The following SAMD5 variants were observed in gnomAD, a reference collection of about 807,000 sequenced individuals.
SAMD5 encodes the protein sterile alpha motif domain-containing protein 5.
A neutral mutation model predicts 11.3 loss-of-function variants in SAMD5; 13 were observed. The observed-to-expected ratio is 1.15, with a 90% confidence interval of 0.75 to 1.83. The LOEUF (loss-of-function observed/expected upper bound fraction) is 1.83. Among genes scored for constraint, SAMD5 ranks in the 40% most tolerant of loss-of-function variants. SAMD5 has a pLI of 0.00. For missense variants in SAMD5, 255 were observed against 239.1 expected (o/e 1.07, Z -0.44); for synonymous variants, 129 against 111.3 (o/e 1.16, Z -1.00).
chr6:147,836,481 C>T, the SAMD5 span, among the ~76,000 whole-genome samples: 2 of 152,150 alleles, frequency 1.3e-5, no homozygotes, highest in Non-Finnish European at 2.9e-5. Context: ...TCCTGGCCTA[C>T]CTTAAACATG....
chr6:147,770,733 G>T, the SAMD5 span, among the ~76,000 whole-genome samples: 1 of 151,930 alleles, frequency 6.6e-6, no homozygotes, highest in East Asian at 1.9e-4. Flanking sequence ...ATAATTATAG[G>T]CATTTGAATA....
rs1791194905 is a variant in SAMD5 at position 147,697,617 on chromosome 6, TA to T, written c.163-39699del. On this transcript the variant is annotated intron_variant, in intron 1 of 1. Transcript: ENST00000566741. ...GTTGCAGCTTAACAATAAAAAAATC[TA>T]TAAAAAAACTAAACTAAAACTAGGG... Among the ~76,000 whole-genome samples the T allele has an allele frequency of 3.3e-5, 5 of 152,148 alleles. No individual in the cohort carries two copies. The South Asian group carries it at 1.0e-3, about 32-fold the overall frequency.
chr6:147,554,299 A>G (rs957591637), intron 1 of SAMD5, among the ~76,000 whole-genome samples: 2 of 152,128 alleles, frequency 1.3e-5, no homozygotes, highest in African/African-American at 4.8e-5. Context: ...AGAATTTAAG[A>G]TAAGTTTTGG....
At chr6:147,691,238 C>T (rs1383270723) in intron 1 of SAMD5, among the ~76,000 whole-genome samples, 1 of 152,148 alleles carries the variant, frequency 6.6e-6, no homozygotes, top group African/African-American at 2.4e-5. Context: ...AAGTGATCCA[C>T]CTGCCTCGGC....
In SAMD5 at chr6:147,567,659, T is replaced by C; in HGVS notation, c.*3203T>C. 3.0e-6 allele frequency: 3 copies of C among 985,388 alleles called. No homozygotes were observed. Among genetic ancestry groups the C allele is most frequent in the Non-Finnish European group, 3.6e-6 (3 of 829,898 alleles). 61.0% of individuals were successfully genotyped at this position (985,388 alleles called of 1,614,324 possible). A position where few individuals can be genotyped will look rare whatever the true frequency, so the allele number is the denominator to read the frequency against. On this transcript the variant is annotated 3_prime_UTR_variant, in exon 2 of 2. Transcript: ENST00000367474. ...CTGACTGCCTCTCTCCCTTCCCTTC[T>C]TTACTCTCAGTTGTCTTATTTCTTC...
At chr6:147,674,154 T>C (rs1423469691) in intron 1 of SAMD5, among the ~76,000 whole-genome samples, 2 of 152,214 alleles carry the variant, frequency 1.3e-5, no homozygotes, top group African/African-American at 2.4e-5. Context: ...CTGTCATTAA[T>C]TGTAATTTCC....
intron 1 of SAMD5, among the ~76,000 whole-genome samples, chr6:147,602,758 C>G (rs1789642086): frequency 8.3e-6 from 1 of 121,092 alleles, no homozygotes; most frequent in Non-Finnish European, 1.7e-5. Flanking sequence ...AACAAACAAA[C>G]AAAGAAACAA....
the SAMD5 span, among the ~76,000 whole-genome samples, chr6:147,780,416 C>A: frequency 6.6e-6 from 1 of 152,128 alleles, no homozygotes; most frequent in Non-Finnish European, 1.5e-5. Flanking sequence ...CCATGTTGAC[C>A]AGGCTGGTCT....
chr6:147,702,503 A>G (rs1791268185), intron 1 of SAMD5, among the ~76,000 whole-genome samples: 1 of 152,190 alleles, frequency 6.6e-6, no homozygotes. Flanking sequence ...GTGATAAAAG[A>G]TTTTCTACAG....
chr6:147,732,462 G>A (rs1791732626), intron 1 of SAMD5, among the ~76,000 whole-genome samples: 1 of 152,122 alleles, frequency 6.6e-6, no homozygotes, highest in African/African-American at 2.4e-5. Flanking sequence ...GGAGTTATTG[G>A]TTTAATTGCT....
chr6:147,791,707 T>A, the SAMD5 span, among the ~76,000 whole-genome samples: 127 of 152,302 alleles, frequency 8.3e-4, 2 homozygotes, highest in African/African-American at 2.7e-3. Flanking sequence ...TTTAAAAAAA[T>A]TTTTCCCCAG....
At chr6:147,953,043 C>G in the SAMD5 span, among the ~76,000 whole-genome samples, 2 of 151,682 alleles carry the variant, frequency 1.3e-5, no homozygotes, top group African/African-American at 4.8e-5. Context: ...TTTAATGTGC[C>G]TTTATCCTCA....
chr6:147,940,718 T>C, the SAMD5 span, among the ~76,000 whole-genome samples: 6 of 152,172 alleles, frequency 3.9e-5, no homozygotes, highest in Non-Finnish European at 5.9e-5. Flanking sequence ...ATCCCAGTAC[T>C]TTGGGAGGCC....
chr6:147,948,144 T>A, the SAMD5 span, among the ~76,000 whole-genome samples: 1 of 152,204 alleles, frequency 6.6e-6, no homozygotes, highest in Admixed American at 6.5e-5. Flanking sequence ...GGCACAGACA[T>A]TATTTTACTG....
chr6:147,928,605 A>G, the SAMD5 span, among the ~76,000 whole-genome samples: 1 of 151,880 alleles, frequency 6.6e-6, no homozygotes, highest in Non-Finnish European at 1.5e-5. Context: ...ATTTTTTTGA[A>G]CAACCAACTC....
At chr6:147,840,452 G>T in the SAMD5 span, among the ~76,000 whole-genome samples, 1 of 152,216 alleles carries the variant, frequency 6.6e-6, no homozygotes, top group Admixed American at 6.5e-5. Flanking sequence ...TTATCTGTGA[G>T]AAACAGGTGT....
chr6:147,824,857 G>T, the SAMD5 span, among the ~76,000 whole-genome samples: 1 of 152,232 alleles, frequency 6.6e-6, no homozygotes, highest in East Asian at 1.9e-4. Context: ...TGAGTGCCTA[G>T]TGTGTTCCAG....
the SAMD5 span, among the ~76,000 whole-genome samples, chr6:147,767,365 G>C: frequency 6.6e-6 from 1 of 150,592 alleles, no homozygotes; most frequent in African/African-American, 2.5e-5. Flanking sequence ...CCCCAGAGTG[G>C]TACTGCCTTA....
At chr6:147,909,620 CTTTCTTTCTTTCTCTTTCT>C in the SAMD5 span, among the ~76,000 whole-genome samples, 1 of 67,368 alleles carries the variant, frequency 1.5e-5, no homozygotes, top group African/African-American at 9.0e-5. Flanking sequence ...TTCTTTCTTT[CTTTCTTTCTTTCTCTTTCT>C]TGTCTTTTGT....
Sources: gnomAD v4.1 joint callset for allele counts (sites outside exome capture counted in the v4.1 genomes callset) on GRCh38, gnomAD v4.1.1 for gene constraint, MANE v1.5 for transcripts, NCBI Gene and HGNC (gene_info 2026-07-23, HGNC 2026-07-21) for gene names.